UEVLD: variants seen among roughly 807,000 people sequenced by gnomAD.
UEVLD encodes the protein UEV and lactate/malate dehyrogenase domains.
A neutral mutation model predicts 58.6 loss-of-function variants in UEVLD; 47 were observed. That is an observed-to-expected ratio of 0.80 (90% CI 0.63 to 1.02). The LOEUF (loss-of-function observed/expected upper bound fraction) is 1.02, where lower values mean the gene tolerates loss of function less well. Among genes scored for constraint, UEVLD ranks in the 50% least tolerant of loss-of-function variants. The probability of loss-of-function intolerance (pLI) is 0.00; values close to 1 mark genes in which losing one functional copy is unlikely to be tolerated. For missense variants in UEVLD, 510 were observed against 550.6 expected (o/e 0.93, Z 0.74); for synonymous variants, 197 against 195.3 (o/e 1.01, Z -0.07).
chr11:18,536,430 G>A lies in UEVLD; in HGVS notation c.1100C>T (p.Thr367Ile). 3.1e-6 allele frequency: 5 copies of A among 1,613,810 alleles called. No individual in the cohort carries two copies. Among genetic ancestry groups the A allele is most frequent in the Non-Finnish European group, 4.2e-6 (5 of 1,179,888 alleles). ...WSGQEEVVSH[T>I]SQVQLSNRAM... ...CCTGTTGGACAGCTGCACTTGAGAG[G>A]TATGACTCACTACTTCTTCTTGGCC... is the stretch of plus-strand genomic sequence containing the variant. The change falls in exon 10 of 12, where the codon ACC becomes ATC. Residue 367 changes from threonine to isoleucine, a missense_variant. Transcript: ENST00000396197.
chr11:18,573,201 C>T (rs1852718786), intron 3 of UEVLD, among the ~76,000 whole-genome samples: 1 of 152,166 alleles, frequency 6.6e-6, no homozygotes, highest in Non-Finnish European at 1.5e-5. Flanking sequence ...ACCTTTCTGC[C>T]CTCATGTTAC....
At chr11:18,536,627 G>A in intron 9 of UEVLD, 158 bp from the exon 10 acceptor site, 1 of 599,696 alleles carries the variant, frequency 1.7e-6, no homozygotes, top group Non-Finnish European at 2.9e-6. Flanking sequence ...AACAATGAAT[G>A]TGCTGTACCA....
intron 9 of UEVLD, among the ~76,000 whole-genome samples, chr11:18,537,325 T>TATATATATA (rs34120372): frequency 1.6e-5 from 2 of 126,806 alleles, no homozygotes; most frequent in South Asian, 5.0e-4. Flanking sequence ...TATATATATA[T>TATATATATA]TTTTTTTTTT....
intron 7 of UEVLD, among the ~76,000 whole-genome samples, chr11:18,556,180 T>A (rs1057366937): frequency 6.6e-6 from 1 of 152,236 alleles, no homozygotes; most frequent in Non-Finnish European, 1.5e-5. Context: ...CAGTCCTACG[T>A]GGCCTCACAA....
intron 7 of UEVLD, among the ~76,000 whole-genome samples, chr11:18,549,699 G>A (rs10741746): frequency 0.44 from 66,328 of 151,840 alleles, 15,285 homozygotes; most frequent in Non-Finnish European, 0.53. Context: ...AATTACAGGC[G>A]TAAGCCACTG....
At chr11:18,536,621 A>G (rs1590306299) in intron 9 of UEVLD, 152 bp from the exon 10 acceptor site, 1 of 621,086 alleles carries the variant, frequency 1.6e-6, no homozygotes, top group Admixed American at 2.8e-5. Context: ...CTGGATAACA[A>G]TGAATGTGCT....
At chr11:18,582,398 A>G (rs1427240230) in intron 1 of UEVLD, among the ~76,000 whole-genome samples, 1 of 145,284 alleles carries the variant, frequency 6.9e-6, no homozygotes, top group East Asian at 2.1e-4. Context: ...CCCAAGGAAA[A>G]TATTAGCTTT....
chr11:18,545,771 CA>C (rs751639255), intron 8 of UEVLD, among the ~76,000 whole-genome samples: 2 of 152,156 alleles, frequency 1.3e-5, no homozygotes, highest in Non-Finnish European at 2.9e-5. Context: ...TATAAATTGT[CA>C]GGGGTAGAAA....
At chr11:18,555,546 C>T (rs1476680746) in intron 7 of UEVLD, among the ~76,000 whole-genome samples, 1 of 152,048 alleles carries the variant, frequency 6.6e-6, no homozygotes, top group Non-Finnish European at 1.5e-5. Flanking sequence ...CATGATTCTG[C>T]CACTGCCCTC....
intron 9 of UEVLD, among the ~76,000 whole-genome samples, chr11:18,543,567 C>G (rs2133971157): frequency 6.6e-6 from 1 of 152,288 alleles, no homozygotes; most frequent in East Asian, 1.9e-4. Flanking sequence ...GTCATTTCAG[C>G]CCATGTTAAA....
intron 5 of UEVLD, among the ~76,000 whole-genome samples, 157 bp downstream of exon 5, chr11:18,566,190 C>T (rs553128136): frequency 9.9e-5 from 15 of 152,216 alleles, no homozygotes; most frequent in African/African-American, 3.4e-4. Context: ...TGAGCCACTG[C>T]GCCTGGCCTG....
intron 1 of UEVLD, among the ~76,000 whole-genome samples, chr11:18,579,191 T>A (rs1853103804): frequency 6.6e-6 from 1 of 152,112 alleles, no homozygotes; most frequent in South Asian, 2.1e-4. Flanking sequence ...AACTGACAAT[T>A]TACGGTGTGG....
At chr11:18,568,503 A>G (rs1037881898) in intron 4 of UEVLD, among the ~76,000 whole-genome samples, 2 of 152,194 alleles carry the variant, frequency 1.3e-5, no homozygotes, top group Non-Finnish European at 2.9e-5. Flanking sequence ...CAAATAACCA[A>G]ACAACTGAAA....
intron 9 of UEVLD, among the ~76,000 whole-genome samples, chr11:18,539,801 G>A (rs1850979308): frequency 6.6e-6 from 1 of 152,170 alleles, no homozygotes; most frequent in Non-Finnish European, 1.5e-5. Context: ...CACCTGACTA[G>A]CATAGAATGC....
intron 5 of UEVLD, among the ~76,000 whole-genome samples, chr11:18,565,332 A>T (rs1202749195): frequency 6.6e-6 from 1 of 152,238 alleles, no homozygotes; most frequent in Non-Finnish European, 1.5e-5. Context: ...CAATAAAAAA[A>T]TATGTCTAAC....
chr11:18,532,454 T>G lies in UEVLD; in HGVS notation c.1282A>C (p.Ser428Arg). 1.2e-6 allele frequency: 2 copies of G among 1,612,494 alleles called. 1 individual carries two copies. The highest frequency in any genetic ancestry group is 2.2e-5 in the South Asian group (2 of 90,766). Reference sequence around the variant, plus strand: ...TTGGTTCCAAGGATGCAAGGCAAACTTAAAAACACTTCACTATTTATATCA... The same window carrying G: ...TTGGTTCCAAGGATGCAAGGCAAACGTAAAAACACTTCACTATTTATATCA... Reference protein sequence around the residue: ...YYDINSEVFLSLPCILGTNGV... With the variant: ...YYDINSEVFLRLPCILGTNGV... The change falls in exon 12 of 12, where the codon AGT becomes CGT. Residue 428 changes from serine (S) to arginine (R), a missense_variant. Physicochemically the swap from Ser to Arg is moderately radical, Grantham distance 110 (BLOSUM62 -1). Transcript: ENST00000396197.
chr11:18,567,642 G>A (rs1385268567), intron 4 of UEVLD, among the ~76,000 whole-genome samples: 4 of 152,194 alleles, frequency 2.6e-5, no homozygotes, highest in Non-Finnish European at 5.9e-5. Context: ...AACGAACTGT[G>A]CTGTTCAAAC....
intron 2 of UEVLD, among the ~76,000 whole-genome samples, chr11:18,576,005 G>A (rs1422784714): frequency 2.0e-5 from 3 of 152,124 alleles, no homozygotes; most frequent in Non-Finnish European, 4.4e-5. Flanking sequence ...AAAGGGAGGG[G>A]TTGAAATTGC....
intron 7 of UEVLD, among the ~76,000 whole-genome samples, chr11:18,556,725 GTAT>G (rs1851770120): frequency 6.6e-6 from 1 of 151,896 alleles, no homozygotes; most frequent in Non-Finnish European, 1.5e-5. Context: ...CCCAAATACG[GTAT>G]TTACCTACAT....
Sources: allele counts gnomAD v4.1 joint callset (sites outside exome capture counted in the v4.1 genomes callset), GRCh38; gene constraint gnomAD v4.1.1; transcripts MANE v1.5; gene names NCBI Gene and HGNC (gene_info 2026-07-23, HGNC 2026-07-21).